The following ASIC2 variants were observed in gnomAD, a reference collection of about 807,000 sequenced individuals.
The protein encoded by ASIC2 is acid sensing ion channel subunit 2, also known as acid-sensing ion channel 2.
Under a neutral mutation model 57.3 loss-of-function variants are expected in ASIC2, and 25 were observed. The ratio of observed to expected loss-of-function variants is 0.44; its 90% CI spans 0.32 to 0.61. ASIC2 has a LOEUF of 0.61. ASIC2 is among the 20% of genes least tolerant of loss of function. The pLI, the probability that ASIC2 is intolerant of heterozygous loss-of-function variation, is 0.06. For synonymous variants in ASIC2, 319 were observed against 307.5 expected (o/e 1.04, Z -0.39); for missense variants, 641 against 738.1 (o/e 0.87, Z 1.52).
At chr17:33,031,904 C>T (rs560128668) in intron 3 of ASIC2, among the ~76,000 whole-genome samples, 3 of 152,294 alleles carry the variant, frequency 2.0e-5, no homozygotes, top group African/African-American at 7.2e-5. Flanking sequence ...ACAGACATGG[C>T]AGCTTTATTC....
At chr17:33,605,969 T>G (rs1008517887) in intron 1 of ASIC2, among the ~76,000 whole-genome samples, 15 of 152,224 alleles carry the variant, frequency 9.9e-5, no homozygotes, top group African/African-American at 2.7e-4. Flanking sequence ...CAGGAGATAT[T>G]ACAATGACAC....
intron 1 of ASIC2, among the ~76,000 whole-genome samples, chr17:33,535,544 G>A (rs1915203284): frequency 6.6e-6 from 1 of 151,992 alleles, no homozygotes; most frequent in African/African-American, 2.4e-5. Flanking sequence ...CCAGAGTGCT[G>A]GGATTACAGG....
At chr17:34,132,990 T>G (rs995634121) in intron 1 of ASIC2, among the ~76,000 whole-genome samples, 3 of 152,168 alleles carry the variant, frequency 2.0e-5, no homozygotes, top group Non-Finnish European at 4.4e-5. Context: ...TCACCCCAAT[T>G]TAATACCACA....
At chr17:33,592,169 C>T (rs1471268520) in intron 1 of ASIC2, among the ~76,000 whole-genome samples, 1 of 152,210 alleles carries the variant, frequency 6.6e-6, no homozygotes. Flanking sequence ...CATGGAACTT[C>T]CATTCTATCT....
At chr17:33,781,176 T>A (rs16968886) in intron 1 of ASIC2, among the ~76,000 whole-genome samples, 1 of 152,192 alleles carries the variant, frequency 6.6e-6, no homozygotes, top group Admixed American at 6.5e-5. Context: ...CCGCGTTTAA[T>A]GTTTGCTAAC....
At chr17:33,476,587 A>G (rs541838356) in intron 1 of ASIC2, among the ~76,000 whole-genome samples, 1 of 145,338 alleles carries the variant, frequency 6.9e-6, no homozygotes, top group East Asian at 2.0e-4. Context: ...CAGTTCTTGG[A>G]CTGAGCACCA....
intron 1 of ASIC2, among the ~76,000 whole-genome samples, chr17:34,081,832 T>C (rs1909896235): frequency 6.6e-6 from 1 of 152,228 alleles, no homozygotes; most frequent in South Asian, 2.1e-4. Flanking sequence ...TTTTTATATA[T>C]AAATTGGAGA....
At chr17:33,185,780 C>G (rs2142063122) in intron 1 of ASIC2, among the ~76,000 whole-genome samples, 1 of 152,304 alleles carries the variant, frequency 6.6e-6, no homozygotes, top group Non-Finnish European at 1.5e-5. Flanking sequence ...GAACAATCTC[C>G]TCCAGATCCC....
chr17:33,292,065 C>T lies in ASIC2; in HGVS notation c.51G>A (p.Pro17=). 2.8e-6 allele frequency: 3 copies of T among 1,089,012 alleles called. No homozygotes were observed. Among genetic ancestry groups the T allele is most frequent in the Non-Finnish European group, 3.3e-6 (3 of 900,154 alleles). 67.5% of individuals were successfully genotyped at this position (1,089,012 alleles called of 1,614,324 possible). A position where few individuals can be genotyped will look rare whatever the true frequency, so the allele number is the denominator to read the frequency against. Reference sequence around the variant, plus strand: ...CCTCGCGGGCCATGCGGAAGCGTCCCGGGCCGGTGAGCGCGGCTGCGGGCA... The same window carrying T: ...CCTCGCGGGCCATGCGGAAGCGTCCTGGGCCGGTGAGCGCGGCTGCGGGCA... The part of the protein sequence containing the change: ...AGLPAAALTG[P]GRFRMAREEP... The change falls in exon 1 of 10, where the codon CCG becomes CCA. Residue 17 remains proline, a synonymous_variant. Coordinates refer to ENST00000225823, the MANE Select transcript of ASIC2 (RefSeq NM_183377.2).
At chr17:33,786,646 C>A (rs1357942386) in intron 1 of ASIC2, among the ~76,000 whole-genome samples, 1 of 152,072 alleles carries the variant, frequency 6.6e-6, no homozygotes, top group Admixed American at 6.6e-5. Flanking sequence ...CAAAGGAAAT[C>A]TTCATTACTC....
intron 1 of ASIC2, among the ~76,000 whole-genome samples, chr17:33,693,107 T>C (rs779746895): frequency 2.6e-5 from 4 of 152,242 alleles, no homozygotes; most frequent in Non-Finnish European, 5.9e-5. Context: ...ATCTTTTTCG[T>C]ATACTAAATT....
intron 1 of ASIC2, among the ~76,000 whole-genome samples, chr17:33,542,256 T>C (rs1915436436): frequency 6.6e-6 from 1 of 151,406 alleles, no homozygotes; most frequent in East Asian, 2.0e-4. Context: ...TTTGGGTATA[T>C]ACCCAGTAAT....
At chr17:33,437,846 G>A (rs1911680839) in intron 1 of ASIC2, among the ~76,000 whole-genome samples, 1 of 152,150 alleles carries the variant, frequency 6.6e-6, no homozygotes, top group South Asian at 2.1e-4. Context: ...GGAGGATCAA[G>A]CTTTGGATAT....
chr17:34,132,025 T>C (rs933618191), intron 1 of ASIC2, among the ~76,000 whole-genome samples: 7 of 152,220 alleles, frequency 4.6e-5, no homozygotes, highest in African/African-American at 1.4e-4. Context: ...CCATCTCTTA[T>C]GCCCTATAAG....
At chr17:34,127,517 C>T (rs138307293) in intron 1 of ASIC2, among the ~76,000 whole-genome samples, 2 of 152,344 alleles carry the variant, frequency 1.3e-5, no homozygotes, top group African/African-American at 2.4e-5. Context: ...AGACCATCAG[C>T]CTCTTCCCAT....
intron 1 of ASIC2, among the ~76,000 whole-genome samples, chr17:33,113,102 A>G (rs541766903): frequency 6.6e-6 from 1 of 152,172 alleles, no homozygotes. Flanking sequence ...GCTTGATGAA[A>G]GTATGATTAC....
intron 1 of ASIC2, among the ~76,000 whole-genome samples, chr17:33,542,946 C>T (rs1965679014): frequency 6.6e-6 from 1 of 151,934 alleles, no homozygotes; most frequent in South Asian, 2.1e-4. Context: ...CCATGGAATA[C>T]TATGCAGCCA....
chr17:33,881,195 T>C (rs1410072733), intron 1 of ASIC2, among the ~76,000 whole-genome samples: 1 of 152,170 alleles, frequency 6.6e-6, no homozygotes, highest in Non-Finnish European at 1.5e-5. Flanking sequence ...CTTTGAAAAC[T>C]GGCAGAAGAC....
At chr17:33,175,354 A>G (rs564427118) in intron 1 of ASIC2, among the ~76,000 whole-genome samples, 3 of 152,352 alleles carry the variant, frequency 2.0e-5, no homozygotes, top group African/African-American at 7.2e-5. Context: ...AGCTGTTTCC[A>G]AAAAGCAAAT....
Sources: allele counts gnomAD v4.1 joint callset (sites outside exome capture counted in the v4.1 genomes callset), GRCh38; gene constraint gnomAD v4.1.1; transcripts MANE v1.5; gene names NCBI Gene and HGNC (gene_info 2026-07-23, HGNC 2026-07-21).